Variants in PIEZO2 observed in about 807,000 individuals in gnomAD.
The protein encoded by PIEZO2 is piezo-type mechanosensitive ion channel component 2.
In PIEZO2, 172 loss-of-function variants were observed where a neutral mutation model predicts 337.3. The ratio of observed to expected loss-of-function variants is 0.51; its 90% CI spans 0.45 to 0.58. The LOEUF (loss-of-function observed/expected upper bound fraction) is 0.58, where lower values mean the gene tolerates loss of function less well. PIEZO2 is among the 20% of genes least tolerant of loss of function. PIEZO2 has a pLI of 0.00. For synonymous variants in PIEZO2, 1,251 were observed against 1,228.5 expected, an observed-to-expected ratio of 1.02 and a Z score of -0.38; for missense variants, 3,028 against 3,391.3, an observed-to-expected ratio of 0.89 and a Z score of 2.66.
Position 11,016,573 on chromosome 18 carries a change from C to T in PIEZO2, c.161-36913G>A, listed in dbSNP as rs56965450. Among the ~76,000 whole-genome samples, 4,619 of 152,196 alleles carry T rather than the reference C, an allele frequency of 0.03. 247 individuals carry two copies. Among genetic ancestry groups the T allele is most frequent in the African/African-American group, 0.1 (4,301 of 41,502 alleles). On this transcript the variant is annotated intron_variant, in intron 2 of 55. Transcript: ENST00000674853. The surrounding 1 kb of genome is among the most constrained non-coding windows in gnomAD (Gnocchi z 5.6). ...TTCATCAAAAGTAAGTAACGAGTTA[C>T]TCATTTAAACAAGTGATAACTCAAG...
intron 2 of PIEZO2, among the ~76,000 whole-genome samples, chr18:11,057,756 C>T (rs1273423411): frequency 2.0e-5 from 3 of 152,216 alleles, no homozygotes; most frequent in Non-Finnish European, 1.5e-5. Flanking sequence ...CTTTAAAAAT[C>T]CATGATTCTG....
rs561197185 is a variant in PIEZO2 at position 10,750,714 on chromosome 18, C to T, written c.4168-527G>A. On this transcript the variant is annotated intron_variant, in intron 28 of 55. Coordinates refer to ENST00000674853, the MANE Select transcript of PIEZO2 (RefSeq NM_001378183.1). This position sits in a 1 kb window ranked among gnomAD's most constrained non-coding sequence, Gnocchi z 4.1. ...AGATTGGCAGGTGGTTGTCTCATAA[C>T]AATGAATTTTTTGTTATAGTTAAGT... Among the ~76,000 whole-genome samples, 28 of 152,166 alleles carry T rather than the reference C, an allele frequency of 1.8e-4. No individual in the cohort carries two copies. Among genetic ancestry groups the T allele is most frequent in the Non-Finnish European group, 3.5e-4 (24 of 68,036 alleles).
intron 7 of PIEZO2, among the ~76,000 whole-genome samples, chr18:10,836,773 T>C (rs75051710): frequency 0.057 from 8,686 of 152,194 alleles, 329 homozygotes; most frequent in South Asian, 0.11. Flanking sequence ...CTCTTTAAGA[T>C]GGAATAGAAC....
intron 20 of PIEZO2, among the ~76,000 whole-genome samples, chr18:10,772,008 C>T (rs2038619376): frequency 6.6e-6 from 1 of 152,086 alleles, no homozygotes; most frequent in Non-Finnish European, 1.5e-5. Flanking sequence ...CAGAGAGAAG[C>T]CATAAAATGC....
At chr18:10,951,244 C>A (rs2033281789) in intron 3 of PIEZO2, among the ~76,000 whole-genome samples, 1 of 152,190 alleles carries the variant, frequency 6.6e-6, no homozygotes, top group South Asian at 2.1e-4. Flanking sequence ...CAAGACAATA[C>A]ATAACATTTC....
chr18:10,987,013 T>A (rs2034901919), intron 2 of PIEZO2, among the ~76,000 whole-genome samples: 1 of 151,882 alleles, frequency 6.6e-6, no homozygotes, highest in African/African-American at 2.4e-5. Context: ...AGGTGAAAGA[T>A]CTGTACATTG....
intron 16 of PIEZO2, 124 bp downstream of exon 16, chr18:10,786,912 A>G (rs1034185951): frequency 1.6e-5 from 16 of 976,110 alleles, no homozygotes; most frequent in Non-Finnish European, 1.9e-5. Flanking sequence ...TTTAATTTCT[A>G]TTATTGAGGA....
chr18:10,696,684 C>A, intron 45 of PIEZO2, 145 bp from the exon 46 acceptor site: 3 of 924,834 alleles, frequency 3.2e-6, no homozygotes, highest in Non-Finnish European at 4.8e-6. Flanking sequence ...TCAGGATAGT[C>A]CCGCTGTGGA....
chr18:10,840,294 A>G (rs1251633217), intron 7 of PIEZO2, among the ~76,000 whole-genome samples: 3 of 152,228 alleles, frequency 2.0e-5, no homozygotes, highest in African/African-American at 7.2e-5. Flanking sequence ...TAAAATTAAT[A>G]CATAATTTAC....
At chr18:10,725,132 T>C in intron 36 of PIEZO2, 2 of 1,454,032 alleles carry the variant, frequency 1.4e-6, no homozygotes, top group South Asian at 1.1e-5. Context: ...CAGGAGCCCA[T>C]GCCTATGGCT....
intron 2 of PIEZO2, among the ~76,000 whole-genome samples, chr18:11,006,228 T>G (rs1358038214): frequency 6.6e-6 from 1 of 152,192 alleles, no homozygotes; most frequent in African/African-American, 2.4e-5. Flanking sequence ...ATTGCTTACT[T>G]TCTCAAATGT....
At chr18:10,805,643 T>A (rs2039978844) in intron 8 of PIEZO2, among the ~76,000 whole-genome samples, 1 of 152,226 alleles carries the variant, frequency 6.6e-6, no homozygotes, top group African/African-American at 2.4e-5. Flanking sequence ...ACAGTCAAAT[T>A]TTAGAAGAGA....
chr18:10,778,330 C>T (rs956249318), intron 18 of PIEZO2, among the ~76,000 whole-genome samples: 1 of 142,572 alleles, frequency 7.0e-6, no homozygotes, highest in South Asian at 2.2e-4. Flanking sequence ...ACAGCTCTGG[C>T]TGCTCTTTTT....
Position 10,736,708 on chromosome 18 carries a change from C to A in PIEZO2, c.4711G>T (p.Val1571Phe). ...AACAAATAATAATCTCCACTCCTGA[C>A]CACTAAGCAAAACAAAATATTCACT... The part of the protein sequence containing the change: ...WRPWVDHASM[V>F]RSGDYYLFET... The change falls in exon 34 of 56, where the codon GTC becomes TTC. Residue 1571 changes from valine to phenylalanine, a missense_variant and splice_region_variant. Physicochemically the swap from Val to Phe is conservative, Grantham distance 50. This residue lies in a region of PIEZO2 where 1,925 missense variants were observed against 2,051.9 expected (regional missense o/e 0.94). Transcript: ENST00000674853. 2.0e-6 allele frequency: 3 copies of A among 1,534,502 alleles called. No homozygotes were observed. Among genetic ancestry groups the A allele is most frequent in the Middle Eastern group, 1.7e-4 (1 of 5,974 alleles).
At position 11,032,116 on chromosome 18, in the gene PIEZO2, G is replaced by A. The variant is rs928148570; in HGVS notation, c.160+34011C>T. On this transcript the variant is annotated intron_variant, in intron 2 of 55. Transcript: ENST00000674853. This position sits in a 1 kb window ranked among gnomAD's most constrained non-coding sequence, Gnocchi z 4.9. ...GCGTGTGCTACATGGCCCCAATCAT[G>A]CTATTTGAATTGAGTAACAAACTAT... Among the ~76,000 whole-genome samples, 5 of 152,174 alleles carry A rather than the reference G, an allele frequency of 3.3e-5. No individual in the cohort carries two copies. Among genetic ancestry groups the A allele is most frequent in the African/African-American group, 4.8e-5 (2 of 41,422 alleles).
At position 11,127,793 on chromosome 18, in the gene PIEZO2, G is replaced by GTGCA. The variant is rs1555719359; in HGVS notation, c.64+20731_64+20732insTGCA. ...ATGATATATATGCATATACGTGTGTGTGTGTGTGCATGTGTGTGTGTGTGT... is the reference window on the plus strand; with the variant it reads ...ATGATATATATGCATATACGTGTGTGTGCATGTGTGTGCATGTGTGTGTGTGTGT... On this transcript the variant is annotated intron_variant, in intron 1 of 55. Transcript: ENST00000674853. This position sits in a 1 kb window ranked among gnomAD's most constrained non-coding sequence, Gnocchi z 4.5. Among the ~76,000 whole-genome samples the GTGCA allele has an allele frequency of 1.3e-5, 1 of 77,724 alleles. No homozygotes were observed. Among genetic ancestry groups the GTGCA allele is most frequent in the East Asian group, 3.9e-4 (1 of 2,552 alleles). 51.0% of individuals were successfully genotyped at this position (77,724 alleles called of 152,430 possible).
At chr18:10,703,888 G>A (rs62095600) in intron 42 of PIEZO2, among the ~76,000 whole-genome samples, 30,509 of 151,648 alleles carry the variant, frequency 0.2, 3,155 homozygotes, top group South Asian at 0.28. Context: ...TTACGTTTAC[G>A]TTTAAAAATG....
At chr18:11,014,354 C>T (rs1308159986) in intron 2 of PIEZO2, among the ~76,000 whole-genome samples, 24 of 139,676 alleles carry the variant, frequency 1.7e-4, no homozygotes, top group African/African-American at 6.5e-4. Context: ...GTGGGCACGT[C>T]ACCCTGGACA....
intron 3 of PIEZO2, among the ~76,000 whole-genome samples, chr18:10,935,505 G>GT (rs985007082): frequency 6.6e-6 from 1 of 152,190 alleles, no homozygotes; most frequent in African/African-American, 2.4e-5. Flanking sequence ...AAAAGACTCT[G>GT]TTCCTGGTAC....
Sources: allele counts gnomAD v4.1 joint callset (sites outside exome capture counted in the v4.1 genomes callset), GRCh38; gene constraint gnomAD v4.1.1; regional missense constraint gnomAD v4.1.1; non-coding constraint Gnocchi (gnomAD v3.1); transcripts MANE v1.5; gene names NCBI Gene and HGNC (gene_info 2026-07-23, HGNC 2026-07-21).